Variants in SEMA3C observed in about 807,000 individuals in gnomAD.
SEMA3C encodes semaphorin 3C.
SEMA3C carries 47 observed loss-of-function variants against 89.4 expected under a neutral mutation model. That is an observed-to-expected ratio of 0.53 (90% CI 0.42 to 0.67). The LOEUF (loss-of-function observed/expected upper bound fraction) is 0.67. SEMA3C is among the 30% of genes least tolerant of loss of function. The probability of loss-of-function intolerance (pLI) is 0.00; values close to 1 mark genes in which losing one functional copy is unlikely to be tolerated. For missense variants in SEMA3C, 839 were observed against 929.1 expected (o/e 0.90, Z 1.26); for synonymous variants, 310 against 320.2 (o/e 0.97, Z 0.34).
intron 2 of SEMA3C, among the ~76,000 whole-genome samples, chr7:80,887,290 T>C (rs1791506274): frequency 1.3e-5 from 2 of 152,196 alleles, no homozygotes; most frequent in African/African-American, 4.8e-5. Flanking sequence ...TTCAATTTGG[T>C]ATAACAGAAA....
intron 16 of SEMA3C, among the ~76,000 whole-genome samples, chr7:80,750,473 T>TAC (rs56793292): frequency 2.8e-3 from 156 of 55,414 alleles, no homozygotes; most frequent in Middle Eastern, 0.012. Context: ...TATATATATA[T>TAC]ACACACACAC....
chr7:80,767,226 C>A (rs543881548), intron 12 of SEMA3C, among the ~76,000 whole-genome samples: 1 of 152,062 alleles, frequency 6.6e-6, no homozygotes, highest in African/African-American at 2.4e-5. Context: ...TGCTGCAGAC[C>A]CATACAAATT....
chr7:80,764,151 G>A (rs1386786420), intron 13 of SEMA3C, among the ~76,000 whole-genome samples: 3 of 152,148 alleles, frequency 2.0e-5, no homozygotes, highest in Admixed American at 6.5e-5. Context: ...GTCTACTAAT[G>A]AGTCAATACA....
At chr7:80,846,453 C>T (rs181205620) in intron 2 of SEMA3C, among the ~76,000 whole-genome samples, 105 of 152,220 alleles carry the variant, frequency 6.9e-4, no homozygotes, top group African/African-American at 2.5e-3. Flanking sequence ...AACTCCTGGG[C>T]TCAGGGGATC....
At chr7:80,778,967 C>T (rs534053927) in intron 12 of SEMA3C, among the ~76,000 whole-genome samples, 17 of 152,204 alleles carry the variant, frequency 1.1e-4, no homozygotes, top group African/African-American at 4.1e-4. Flanking sequence ...TCCTTATCTG[C>T]ATGGTCTCCT....
chr7:80,905,688 T>G (rs2116217311), intron 2 of SEMA3C: 1 of 415,308 alleles, frequency 2.4e-6, no homozygotes, highest in South Asian at 1.8e-5. Context: ...CTACAATGGG[T>G]TTAAAGCTGA....
intron 2 of SEMA3C, among the ~76,000 whole-genome samples, chr7:80,856,190 G>C: frequency 6.6e-6 from 1 of 151,890 alleles, no homozygotes; most frequent in Admixed American, 6.6e-5. Flanking sequence ...TTCCAATTCT[G>C]TAAAGATATC....
In SEMA3C at chr7:80,771,113, T is replaced by A. The variant is rs1048088242; in HGVS notation, c.1355-5870A>T. Among the ~76,000 whole-genome samples, 4 of 152,186 alleles carry A rather than the reference T, an allele frequency of 2.6e-5. 1 individual carries two copies. In the East Asian group the frequency reaches 5.8e-4, roughly 22 times the overall value. On this transcript the variant is annotated intron_variant, in intron 12 of 17. Transcript: ENST00000265361. ...TTGAAAGAGCTCTGACTAATAAAAA[T>A]TAAACAAGTAAGACATGGAAATTGC...
intron 2 of SEMA3C, among the ~76,000 whole-genome samples, chr7:80,912,359 G>A (rs1395159038): frequency 6.6e-6 from 1 of 152,014 alleles, no homozygotes; most frequent in East Asian, 1.9e-4. Flanking sequence ...ATATTACAGG[G>A]GAAAATAGAC....
At chr7:80,889,156 C>T (rs1010521180) in intron 2 of SEMA3C, among the ~76,000 whole-genome samples, 6 of 152,216 alleles carry the variant, frequency 3.9e-5, no homozygotes, top group Admixed American at 6.5e-5. Flanking sequence ...AGCCACCACG[C>T]TCGGCCATGT....
At chr7:80,912,645 T>C (rs1792179743) in intron 2 of SEMA3C, among the ~76,000 whole-genome samples, 1 of 152,190 alleles carries the variant, frequency 6.6e-6, no homozygotes, top group African/African-American at 2.4e-5. Flanking sequence ...TTCAGTGACA[T>C]TTAATTGAAA....
At chr7:80,836,854 C>T (rs1790141931) in intron 2 of SEMA3C, among the ~76,000 whole-genome samples, 1 of 152,146 alleles carries the variant, frequency 6.6e-6, no homozygotes, top group African/African-American at 2.4e-5. Context: ...CCCATTTCCC[C>T]AGCATAATTA....
chr7:80,806,945 G>A (rs1024674000), intron 6 of SEMA3C, among the ~76,000 whole-genome samples: 23 of 152,106 alleles, frequency 1.5e-4, no homozygotes, highest in Non-Finnish European at 5.9e-5. Flanking sequence ...GCCAGGTTAT[G>A]AACTGGACCC....
At chr7:80,854,118 G>C (rs1790580053) in intron 2 of SEMA3C, among the ~76,000 whole-genome samples, 2 of 152,106 alleles carry the variant, frequency 1.3e-5, no homozygotes, top group South Asian at 4.1e-4. Context: ...ACATCACAAT[G>C]ACCCTGAAAA....
At chr7:80,746,758 A>G (rs546166329) in intron 17 of SEMA3C, among the ~76,000 whole-genome samples, 42 of 43,900 alleles carry the variant, frequency 9.6e-4, no homozygotes, top group African/African-American at 2.1e-3. Flanking sequence ...GAGGGGAGGA[A>G]AACTATAGAA....
chr7:80,903,398 C>T (rs534570415), intron 2 of SEMA3C, among the ~76,000 whole-genome samples: 48 of 152,160 alleles, frequency 3.2e-4, no homozygotes, highest in Non-Finnish European at 4.3e-4. Context: ...CAATGGCTCA[C>T]GCCTGTAATC....
intron 2 of SEMA3C, among the ~76,000 whole-genome samples, chr7:80,913,722 T>G (rs547991413): frequency 1.2e-4 from 19 of 152,332 alleles, no homozygotes; most frequent in Non-Finnish European, 2.2e-4. Flanking sequence ...TGTAACTAAT[T>G]AATAACATCT....
At chr7:80,833,150 C>A (rs773728397) in intron 2 of SEMA3C, among the ~76,000 whole-genome samples, 10 of 152,012 alleles carry the variant, frequency 6.6e-5, no homozygotes, top group Non-Finnish European at 1.3e-4. Context: ...AATCGTCAAT[C>A]CAGGCCTGGC....
chr7:80,850,889 T>C (rs1286575623), intron 2 of SEMA3C, among the ~76,000 whole-genome samples: 1 of 152,114 alleles, frequency 6.6e-6, no homozygotes, highest in African/African-American at 2.4e-5. Context: ...AACACAAAAT[T>C]TTTTCTCTCA....
Sources: gnomAD v4.1 joint callset for allele counts (sites outside exome capture counted in the v4.1 genomes callset) on GRCh38, gnomAD v4.1.1 for gene constraint, MANE v1.5 for transcripts, NCBI Gene and HGNC (gene_info 2026-07-23, HGNC 2026-07-21) for gene names.